Variants in RTL4 observed in about 807,000 individuals in gnomAD.
RTL4 encodes retrotransposon Gag-like protein 4.
A neutral mutation model predicts 5.3 loss-of-function variants in RTL4; 4 were observed. The observed-to-expected ratio is 0.75, with a 90% CI of 0.37 to 1.72. The LOEUF (loss-of-function observed/expected upper bound fraction) is 1.72, where lower values mean the gene tolerates loss of function less well. RTL4 is among the 40% of genes most tolerant of loss of function. RTL4 has a pLI of 0.04. For missense variants in RTL4, 260 were observed against 227.1 expected, an observed-to-expected ratio of 1.14 and a Z score of -0.93; for synonymous variants, 98 against 87.3, an observed-to-expected ratio of 1.12 and a Z score of -0.68.
the RTL4 span, among the ~76,000 whole-genome samples, chrX:112,235,041 C>T: frequency 9.0e-6 from 1 of 111,184 alleles, no homozygotes; most frequent in Non-Finnish European, 1.9e-5. Flanking sequence ...TTTCGGGATC[C>T]AGGTGGCTTT....
At chrX:112,230,842 A>C in the RTL4 span, among the ~76,000 whole-genome samples, 1 of 111,903 alleles carries the variant, frequency 8.9e-6, no homozygotes, top group South Asian at 3.8e-4. Flanking sequence ...ACAAAGGGCT[A>C]ATATCGAGAA....
chrX:112,263,885 C>T, the RTL4 span, among the ~76,000 whole-genome samples: 3 of 111,220 alleles, frequency 2.7e-5, no homozygotes, highest in Non-Finnish European at 3.8e-5. Flanking sequence ...ACCTTGAATT[C>T]GTGCAATTTT....
the RTL4 span, among the ~76,000 whole-genome samples, chrX:112,274,309 A>G: frequency 8.9e-6 from 1 of 111,836 alleles, no homozygotes; most frequent in East Asian, 2.8e-4. Flanking sequence ...GGGAAATTTC[A>G]GGGGAGGATG....
the RTL4 span, among the ~76,000 whole-genome samples, chrX:112,358,243 G>A: frequency 9.2e-6 from 1 of 108,744 alleles, no homozygotes; most frequent in Non-Finnish European, 1.9e-5. Context: ...TGGGACTATA[G>A]GCATGTGCCA....
the RTL4 span, among the ~76,000 whole-genome samples, chrX:112,296,555 C>T: frequency 9.1e-6 from 1 of 110,426 alleles, no homozygotes; most frequent in African/African-American, 3.3e-5. Flanking sequence ...TTTTGTTTTC[C>T]CTTCCATCTG....
chrX:112,343,978 G>A, the RTL4 span, among the ~76,000 whole-genome samples: 1 of 111,692 alleles, frequency 9.0e-6, no homozygotes, highest in Non-Finnish European at 1.9e-5. Context: ...AATAATGAGT[G>A]TTTTTTCTGT....
At chrX:112,359,305 A>T in the RTL4 span, among the ~76,000 whole-genome samples, 2 of 110,939 alleles carry the variant, frequency 1.8e-5, no homozygotes, top group East Asian at 5.7e-4. Flanking sequence ...ATCCAACTGT[A>T]CTCTTTTAGT....
the RTL4 span, among the ~76,000 whole-genome samples, chrX:112,357,520 C>T: frequency 9.0e-6 from 1 of 111,650 alleles, no homozygotes; most frequent in African/African-American, 3.2e-5. Flanking sequence ...TTACAACAAA[C>T]CAAAAAGATC....
the RTL4 span, among the ~76,000 whole-genome samples, chrX:112,340,843 A>T: frequency 9.0e-6 from 1 of 110,632 alleles, no homozygotes; most frequent in Admixed American, 9.6e-5. Flanking sequence ...CAGCCTCCTG[A>T]GTAGCTGGGA....
At chrX:112,410,263 T>G in the RTL4 span, among the ~76,000 whole-genome samples, 1 of 111,608 alleles carries the variant, frequency 9.0e-6, no homozygotes, top group African/African-American at 3.2e-5. Context: ...TAGAGAGAGA[T>G]AGACCCCAGT....
the RTL4 span, among the ~76,000 whole-genome samples, chrX:112,189,849 G>A: frequency 0.24 from 26,176 of 110,603 alleles, 2,443 homozygotes; most frequent in African/African-American, 0.33. Flanking sequence ...AGATTGATCA[G>A]AAACCTCAGT....
the RTL4 span, among the ~76,000 whole-genome samples, chrX:112,418,532 A>G: frequency 8.9e-6 from 1 of 111,879 alleles, no homozygotes; most frequent in African/African-American, 3.3e-5. Flanking sequence ...ATAGAAAACA[A>G]TGGAAGAATG....
the RTL4 span, among the ~76,000 whole-genome samples, chrX:112,251,629 TATGTG>T: frequency 8.5e-4 from 94 of 110,972 alleles, no homozygotes; most frequent in African/African-American, 2.9e-3. Flanking sequence ...GATAATATAT[TATGTG>T]TGTGTGTGTG....
upstream of RTL4, among the ~76,000 whole-genome samples, chrX:112,452,089 CTTT>C (rs763942705): frequency 1.1e-5 from 1 of 90,994 alleles, no homozygotes. Flanking sequence ...TGGGAAAGAC[CTTT>C]TTTTTTTTTT....
At chrX:112,353,387 T>C in the RTL4 span, among the ~76,000 whole-genome samples, 1 of 111,567 alleles carries the variant, frequency 9.0e-6, no homozygotes, top group African/African-American at 3.3e-5. Flanking sequence ...TGCACATGTA[T>C]GTTTATTGTG....
the RTL4 span, among the ~76,000 whole-genome samples, chrX:112,444,097 C>A: frequency 9.0e-6 from 1 of 111,613 alleles, no homozygotes; most frequent in East Asian, 2.8e-4. Context: ...AGTCTTTAAT[C>A]CATTTTTATT....
the RTL4 span, among the ~76,000 whole-genome samples, chrX:112,383,178 T>G: frequency 3.4e-4 from 38 of 112,010 alleles, no homozygotes; most frequent in Admixed American, 2.8e-3. Flanking sequence ...TTATTCCCAT[T>G]TAGTATAACT....
At chrX:112,329,848 G>A in the RTL4 span, among the ~76,000 whole-genome samples, 1 of 111,296 alleles carries the variant, frequency 9.0e-6, no homozygotes, top group African/African-American at 3.3e-5. Flanking sequence ...TGCAAGGCTG[G>A]TTCAACATAC....
chrX:112,329,349 T>A, the RTL4 span, among the ~76,000 whole-genome samples: 156 of 111,289 alleles, frequency 1.4e-3, 1 homozygote, highest in Middle Eastern at 4.6e-3. Flanking sequence ...CCCACAGAAA[T>A]ACAAACTACC....
Sources: gnomAD v4.1 joint callset for allele counts (sites outside exome capture counted in the v4.1 genomes callset) on GRCh38, gnomAD v4.1.1 for gene constraint, MANE v1.5 for transcripts, NCBI Gene and HGNC (gene_info 2026-07-23, HGNC 2026-07-21) for gene names.